Variants in P2RY8 observed in about 807,000 individuals in gnomAD.
P2RY8 encodes P2Y receptor family member 8.
In P2RY8, 6 loss-of-function variants were observed where a neutral mutation model predicts 10.0. The observed-to-expected ratio is 0.60, with a 90% confidence interval of 0.33 to 1.19. P2RY8 has a LOEUF of 1.19. Among genes scored for constraint, P2RY8 ranks in the 50% most tolerant of loss-of-function variants. The pLI, the probability that P2RY8 is intolerant of heterozygous loss-of-function variation, is 0.04. For synonymous variants in P2RY8, 276 were observed against 252.5 expected (o/e 1.09, Z -0.88); for missense variants, 456 against 542.0 (o/e 0.84, Z 1.58).
At chrX:1,494,823 C>T (rs560327543) in intron 1 of P2RY8, among the ~76,000 whole-genome samples, 1 of 152,204 alleles carries the variant, frequency 6.6e-6, no homozygotes, top group South Asian at 2.1e-4. Context: ...CTGCCTCAGC[C>T]TCCCAAGTAG....
chrX:1,491,323 A>T (rs1295400612), intron 1 of P2RY8, among the ~76,000 whole-genome samples: 2 of 152,264 alleles, frequency 1.3e-5, no homozygotes, highest in African/African-American at 4.8e-5. Flanking sequence ...GGGGGGAATT[A>T]ATGAATGACA....
At chrX:1,520,778 C>A (rs2092384695) in intron 1 of P2RY8, among the ~76,000 whole-genome samples, 1 of 151,960 alleles carries the variant, frequency 6.6e-6, no homozygotes, top group Admixed American at 6.6e-5. Flanking sequence ...TCTCCCTGAT[C>A]CCCAATAATC....
chrX:1,466,449 C>A lies in P2RY8; in HGVS notation c.110G>T (p.Ser37Ile). The A allele has an allele frequency of 1.9e-6, 3 of 1,612,506 alleles. No individual in the cohort carries two copies. The highest frequency in any genetic ancestry group is 2.5e-6 in the Non-Finnish European group (3 of 1,179,822). Residue 37 changes from serine to isoleucine, a missense_variant, in exon 2 of 2, where the codon AGC (serine) becomes ATC (isoleucine). Coordinates refer to ENST00000381297, the MANE Select transcript of P2RY8 (RefSeq NM_178129.5). The part of the protein sequence containing the change: ...PVVYSLVAAV[S>I]IPGNLFSLWV... ...CAGAGAGAAGAGGTTGCCCGGGATG[C>A]TGACCGCCGCCACCAGCGAGTACAC...
intron 1 of P2RY8, among the ~76,000 whole-genome samples, chrX:1,479,027 C>A (rs1197827722): frequency 2.0e-5 from 3 of 152,192 alleles, no homozygotes; most frequent in Non-Finnish European, 4.4e-5. Flanking sequence ...CTCTTCTGAA[C>A]TTCCAGACAC....
intron 1 of P2RY8, among the ~76,000 whole-genome samples, chrX:1,520,216 A>G (rs2092380929): frequency 6.6e-6 from 1 of 151,110 alleles, no homozygotes; most frequent in African/African-American, 2.4e-5. Context: ...CTGGTCCCCA[A>G]TCATCTTTCT....
intron 1 of P2RY8, among the ~76,000 whole-genome samples, chrX:1,487,076 C>T (rs2091993307): frequency 6.6e-6 from 1 of 152,208 alleles, no homozygotes; most frequent in African/African-American, 2.4e-5. Flanking sequence ...CGCAAGCCTT[C>T]CCTGTCTGTG....
At chrX:1,500,546 GT>G (rs755742809) in intron 1 of P2RY8, among the ~76,000 whole-genome samples, 83 of 152,036 alleles carry the variant, frequency 5.5e-4, no homozygotes, top group Middle Eastern at 3.4e-3. Flanking sequence ...CCGAGTTCAA[GT>G]GATTCTCCTG....
intron 1 of P2RY8, among the ~76,000 whole-genome samples, chrX:1,468,328 T>G (rs2091721641): frequency 6.6e-6 from 1 of 152,192 alleles, no homozygotes; most frequent in Non-Finnish European, 1.5e-5. Flanking sequence ...GGTGGCGGCC[T>G]CACCCGGCCA....
At chrX:1,515,744 G>T (rs1466702468) in intron 1 of P2RY8, among the ~76,000 whole-genome samples, 7 of 151,996 alleles carry the variant, frequency 4.6e-5, no homozygotes, top group African/African-American at 1.7e-4. Context: ...TTGTCTGAAG[G>T]TTTATATCAC....
chrX:1,493,905 G>C lies in P2RY8; in HGVS notation c.-24-27323C>G, dbSNP rs2092092114. Among the ~76,000 whole-genome samples the C allele has an allele frequency of 2.6e-5, 4 of 152,252 alleles. No individual in the cohort carries two copies. In the South Asian group the frequency reaches 8.3e-4, roughly 32 times the overall value. The stretch of plus-strand genomic sequence containing the variant: ...GTGCAAATGGCACAGCTCCTGCCTG[G>C]AGGCTGTGTGTCCTTTTGCAGCACT... On this transcript the variant is annotated intron_variant, in intron 1 of 1. Transcript: ENST00000381297.
intron 1 of P2RY8, among the ~76,000 whole-genome samples, chrX:1,501,019 T>C (rs1238481883): frequency 1.3e-5 from 2 of 152,214 alleles, no homozygotes; most frequent in Non-Finnish European, 2.9e-5. Flanking sequence ...CTCTCGGTTC[T>C]GTCCTGGGAG....
intron 1 of P2RY8, among the ~76,000 whole-genome samples, chrX:1,468,720 A>AC (rs2091728008): frequency 1.4e-5 from 2 of 140,096 alleles, no homozygotes; most frequent in Non-Finnish European, 3.1e-5. Flanking sequence ...TGTAGGTGGG[A>AC]CCCTCCTCTC....
chrX:1,476,930 T>G (rs1275434451), intron 1 of P2RY8, among the ~76,000 whole-genome samples: 2 of 152,104 alleles, frequency 1.3e-5, no homozygotes, highest in African/African-American at 4.8e-5. Context: ...GGCTCACACC[T>G]GTAATCTCAG....
At chrX:1,524,617 C>A (rs866261045) in intron 1 of P2RY8, among the ~76,000 whole-genome samples, 1 of 107,314 alleles carries the variant, frequency 9.3e-6, no homozygotes, top group Non-Finnish European at 2.0e-5. Flanking sequence ...ATCCATCCAT[C>A]CATCCATTCA....
chrX:1,483,739 C>T (rs1470404426), intron 1 of P2RY8, among the ~76,000 whole-genome samples: 1 of 152,136 alleles, frequency 6.6e-6, no homozygotes, highest in Admixed American at 6.6e-5. Flanking sequence ...CAAAGAGGGG[C>T]TCCCTTAGAC....
intron 1 of P2RY8, among the ~76,000 whole-genome samples, chrX:1,504,192 T>C (rs1404672150): frequency 1.3e-5 from 2 of 151,642 alleles, no homozygotes; most frequent in African/African-American, 4.9e-5. Flanking sequence ...TGCAGGCGCC[T>C]GTAGTCCCAG....
At chrX:1,513,430 C>G (rs1470559477) in intron 1 of P2RY8, among the ~76,000 whole-genome samples, 1 of 152,176 alleles carries the variant, frequency 6.6e-6, no homozygotes, top group Non-Finnish European at 1.5e-5. Context: ...GGGAGGATCC[C>G]TCCTGCCTCT....
chrX:1,513,303 C>G (rs1487763068), intron 1 of P2RY8, among the ~76,000 whole-genome samples: 2 of 151,832 alleles, frequency 1.3e-5, no homozygotes, highest in Non-Finnish European at 2.9e-5. Flanking sequence ...CAAGTCTTTG[C>G]TATTGTAAAT....
At chrX:1,474,403 T>G (rs1458177749) in intron 1 of P2RY8, among the ~76,000 whole-genome samples, 4 of 88,898 alleles carry the variant, frequency 4.5e-5, no homozygotes, top group Non-Finnish European at 5.1e-5. Context: ...GGATCAGTGT[T>G]TAGGTGGATG....
Sources: allele counts gnomAD v4.1 joint callset (sites outside exome capture counted in the v4.1 genomes callset), GRCh38; gene constraint gnomAD v4.1.1; transcripts MANE v1.5; gene names NCBI Gene and HGNC (gene_info 2026-07-23, HGNC 2026-07-21).